Variants in MACC1 observed in about 807,000 individuals in gnomAD.
The protein encoded by MACC1 is metastasis-associated in colon cancer protein 1.
Under a neutral mutation model 70.7 loss-of-function variants are expected in MACC1, and 79 were observed. The ratio of observed to expected loss-of-function variants is 1.12; its 90% CI spans 0.93 to 1.35. The LOEUF (loss-of-function observed/expected upper bound fraction) is 1.35, where lower values mean the gene tolerates loss of function less well. MACC1 is among the 40% of genes most tolerant of loss of function. The probability of loss-of-function intolerance (pLI) is 0.00; values close to 1 mark genes in which losing one functional copy is unlikely to be tolerated. For synonymous variants in MACC1, 361 were observed against 347.2 expected (o/e 1.04, Z -0.44); for missense variants, 1,106 against 978.1 (o/e 1.13, Z -1.74).
At position 20,138,556 on chromosome 7, in the gene MACC1, T is replaced by C. The variant is rs545043367; in HGVS notation, c.*2390A>G. 7.9e-5 allele frequency: 12 copies of C among 152,346 alleles called. No homozygotes were observed. The highest frequency in any genetic ancestry group is 2.9e-4 in the African/African-American group (12 of 41,588). 9.4% of individuals were successfully genotyped at this position (152,346 alleles called of 1,614,324 possible). On this transcript the variant is annotated 3_prime_UTR_variant, in exon 7 of 7. Transcript: ENST00000400331. ...GTTCTGAAAGTAAAAACTGTGCTTT[T>C]TTTTCCTTCTCTCATAATTTATTTT...
intron 4 of MACC1, among the ~76,000 whole-genome samples, chr7:20,160,488 A>G (rs1026056734): frequency 2.0e-5 from 3 of 152,210 alleles, no homozygotes; most frequent in Non-Finnish European, 2.9e-5. Context: ...TTAAGACATC[A>G]TGATTTATAA....
chr7:20,152,602 TAGAA>T (rs2128101657), intron 6 of MACC1, among the ~76,000 whole-genome samples: 1 of 152,302 alleles, frequency 6.6e-6, no homozygotes, highest in South Asian at 2.1e-4. Context: ...TGAACTATCA[TAGAA>T]AGACACCTAG....
intron 6 of MACC1, 152 bp from the exon 7 acceptor site, chr7:20,141,310 T>G (rs979398901): frequency 1.5e-5 from 8 of 526,888 alleles, no homozygotes; most frequent in Non-Finnish European, 2.6e-5. Context: ...GAAAATATGG[T>G]TTAATAACTA....
intron 1 of MACC1, among the ~76,000 whole-genome samples, chr7:20,181,026 A>C (rs1230913487): frequency 6.6e-6 from 1 of 152,084 alleles, no homozygotes; most frequent in African/African-American, 2.4e-5. Flanking sequence ...ATGTGATTTT[A>C]AGCTAATAAA....
intron 1 of MACC1, among the ~76,000 whole-genome samples, chr7:20,192,877 T>G (rs1225225922): frequency 6.6e-6 from 1 of 152,218 alleles, no homozygotes; most frequent in East Asian, 1.9e-4. Context: ...CTGATGAAAT[T>G]GAAAAGTACT....
chr7:20,181,445 C>T lies in MACC1; in HGVS notation c.-217-10667G>A, dbSNP rs977106752. ...GTATTACATGAATAATACATATTAACGAAGTTAGGTTTGCCAGGAACAAAT... is the reference window on the plus strand; with the variant it reads ...GTATTACATGAATAATACATATTAATGAAGTTAGGTTTGCCAGGAACAAAT... On this transcript the variant is annotated intron_variant, in intron 1 of 6. Coordinates refer to ENST00000400331, the MANE Select transcript of MACC1 (RefSeq NM_182762.4). Among the ~76,000 whole-genome samples, 13 of 151,912 alleles carry T rather than the reference C, an allele frequency of 8.6e-5. No individual in the cohort carries two copies. In the South Asian group the frequency reaches 1.0e-3, roughly 12 times the overall value.
chr7:20,153,212 T>A (rs1245189014), intron 6 of MACC1: 6 of 152,210 alleles, frequency 3.9e-5, no homozygotes, highest in African/African-American at 1.2e-4. Context: ...ACACTTCCAC[T>A]GCAGCTGCTG....
chr7:20,175,091 C>T (rs1304540842), intron 1 of MACC1, among the ~76,000 whole-genome samples: 2 of 151,842 alleles, frequency 1.3e-5, no homozygotes, highest in African/African-American at 2.4e-5. Context: ...CTGACTTGGC[C>T]TCTGTTTCTA....
At chr7:20,161,633 G>T in intron 4 of MACC1, 115 bp downstream of exon 4, 1 of 630,964 alleles carries the variant, frequency 1.6e-6, no homozygotes, top group Non-Finnish European at 2.8e-6. Flanking sequence ...ATAAAAACAA[G>T]ATTTTATAAT....
intron 5 of MACC1, among the ~76,000 whole-genome samples, chr7:20,156,278 G>A (rs1782053650): frequency 6.6e-6 from 1 of 152,164 alleles, no homozygotes; most frequent in African/African-American, 2.4e-5. Flanking sequence ...AACCAGGCCT[G>A]AGCCTCTTCA....
intron 6 of MACC1, among the ~76,000 whole-genome samples, chr7:20,142,729 G>T (rs1461387762): frequency 6.6e-6 from 1 of 152,160 alleles, no homozygotes; most frequent in Non-Finnish European, 1.5e-5. Flanking sequence ...CAGTTGCAAA[G>T]AATCACTAAA....
In MACC1 at chr7:20,199,433, C is replaced by T. The variant is rs536076139; in HGVS notation, c.-218+17866G>A. On this transcript the variant is annotated intron_variant, in intron 1 of 6. Transcript: ENST00000400331. ...CTGGTGTGTGTGATAGTACTGGAGG[C>T]TTCAGTTCAACCCAGAAGAAAGCAG... Among the ~76,000 whole-genome samples, 5 of 152,292 alleles carry T rather than the reference C, an allele frequency of 3.3e-5. No homozygotes were observed. In the East Asian group the frequency reaches 9.6e-4, roughly 29 times the overall value.
chr7:20,164,966 A>G (rs1453341869), intron 2 of MACC1, among the ~76,000 whole-genome samples: 1 of 151,994 alleles, frequency 6.6e-6, no homozygotes, highest in Non-Finnish European at 1.5e-5. Context: ...ATAACCGTTG[A>G]TATGAAAAAT....
Position 20,140,840 on chromosome 7 carries a change from GACACACAC to G in MACC1, c.*98_*105del, listed in dbSNP as rs374483273. The stretch of plus-strand genomic sequence containing the variant: ...ACACACACACAGACACACACACACA[GACACACAC>G]ACACAGACACACAGAGACACACACA... On this transcript the variant is annotated 3_prime_UTR_variant, in exon 7 of 7. Transcript: ENST00000400331. 1 of 677,352 alleles carries G rather than the reference GACACACAC, an allele frequency of 1.5e-6. No individual in the cohort carries two copies. Among genetic ancestry groups the G allele is most frequent in the Admixed American group, 2.6e-5 (1 of 38,228 alleles). The allele number at this position is 677,352 out of a possible 1,614,324, so 42.0% of individuals were successfully genotyped here.
chr7:20,171,036 C>T (rs1176507118), intron 1 of MACC1, among the ~76,000 whole-genome samples: 4 of 152,016 alleles, frequency 2.6e-5, no homozygotes, highest in African/African-American at 7.2e-5. Context: ...GTAAACAGAA[C>T]GGTGTGCAAC....
intron 1 of MACC1, among the ~76,000 whole-genome samples, chr7:20,191,768 T>A (rs1562598193): frequency 6.6e-6 from 1 of 152,114 alleles, no homozygotes; most frequent in Non-Finnish European, 1.5e-5. Flanking sequence ...CAATAAAAAT[T>A]TGGAAAGGTA....
chr7:20,178,118 C>G (rs923155251), intron 1 of MACC1, among the ~76,000 whole-genome samples: 2 of 151,782 alleles, frequency 1.3e-5, no homozygotes, highest in African/African-American at 4.8e-5. Context: ...CTCAGTTTAC[C>G]TACTTACTTA....
chr7:20,199,858 T>G (rs1258975319), intron 1 of MACC1, among the ~76,000 whole-genome samples: 1 of 152,040 alleles, frequency 6.6e-6, no homozygotes, highest in Non-Finnish European at 1.5e-5. Flanking sequence ...AACAATAAAA[T>G]TAAATGTTCT....
chr7:20,162,159 A>C (rs1782148405), intron 3 of MACC1, among the ~76,000 whole-genome samples: 1 of 152,124 alleles, frequency 6.6e-6, no homozygotes, highest in South Asian at 2.1e-4. Flanking sequence ...CAACAACAAC[A>C]ACAAAAAAGT....
Sources: gnomAD v4.1 joint callset for allele counts (sites outside exome capture counted in the v4.1 genomes callset) on GRCh38, gnomAD v4.1.1 for gene constraint, MANE v1.5 for transcripts, NCBI Gene and HGNC (gene_info 2026-07-23, HGNC 2026-07-21) for gene names.